Variants in CTDSPL2 observed in about 807,000 individuals in gnomAD.
CTDSPL2 encodes the protein CTD small phosphatase like 2, also known as CTD small phosphatase-like protein 2.
In CTDSPL2, 5 loss-of-function variants were observed where a neutral mutation model predicts 60.0. The observed-to-expected ratio is 0.08, with a 90% CI of 0.04 to 0.18. The LOEUF is 0.18. CTDSPL2 is among the 10% of genes least tolerant of loss of function. The pLI is 1.00. For synonymous variants in CTDSPL2, 186 were observed against 189.3 expected (o/e 0.98, Z 0.14); for missense variants, 370 against 548.8 (o/e 0.67, Z 3.26).
In CTDSPL2 at chr15:44,445,887, T is replaced by G. The variant is rs543922075; in HGVS notation, c.-24-13104T>G. Among the ~76,000 whole-genome samples, 97 of 151,604 alleles carry G rather than the reference T, an allele frequency of 6.4e-4. 1 individual carries two copies. The highest frequency in any genetic ancestry group is 2.2e-3 in the African/African-American group (91 of 41,354). On this transcript the variant is annotated intron_variant, in intron 1 of 12. Coordinates refer to ENST00000260327, the MANE Select transcript of CTDSPL2 (RefSeq NM_016396.3). ...TGCCTGACTTCATGATCCACCTGCC[T>G]CGGCCTGTCAAACTGCTGGGATTAC...
intron 1 of CTDSPL2, among the ~76,000 whole-genome samples, chr15:44,436,742 C>T (rs1017291120): frequency 2.0e-5 from 3 of 152,140 alleles, no homozygotes; most frequent in African/African-American, 7.2e-5. Flanking sequence ...TAAAGTTTTA[C>T]AGCAAATCTT....
intron 1 of CTDSPL2, among the ~76,000 whole-genome samples, chr15:44,433,330 GAAAAAAAAAAAA>G: frequency 1.6e-5 from 1 of 63,908 alleles, no homozygotes; most frequent in Non-Finnish European, 3.4e-5. Context: ...CTGTCTCAAA[GAAAAAAAAAAAA>G]AAAAAAAGGA....
intron 2 of CTDSPL2, among the ~76,000 whole-genome samples, chr15:44,475,739 TATTAA>T (rs1368301959): frequency 5.3e-5 from 8 of 152,162 alleles, no homozygotes; most frequent in Admixed American, 3.3e-4. Context: ...ATATTTAAAG[TATTAA>T]ATTCCTTTTT....
intron 1 of CTDSPL2, among the ~76,000 whole-genome samples, chr15:44,444,612 C>T (rs1487651216): frequency 6.6e-6 from 1 of 151,946 alleles, no homozygotes; most frequent in Non-Finnish European, 1.5e-5. Flanking sequence ...TCCCAAAGTA[C>T]TGAGATTACT....
At chr15:44,503,447 A>G (rs975387659) in intron 8 of CTDSPL2, 3 of 152,126 alleles carry the variant, frequency 2.0e-5, no homozygotes, top group African/African-American at 7.2e-5. Context: ...AGATCCACCA[A>G]TTCAAGACTC....
intron 1 of CTDSPL2, among the ~76,000 whole-genome samples, chr15:44,433,126 G>A (rs1466069753): frequency 6.6e-6 from 1 of 150,996 alleles, no homozygotes; most frequent in East Asian, 2.0e-4. Context: ...ACCAGCCTGG[G>A]CAACATGGCG....
chr15:44,433,971 G>A (rs552239860), intron 1 of CTDSPL2, among the ~76,000 whole-genome samples: 3 of 150,766 alleles, frequency 2.0e-5, no homozygotes, highest in East Asian at 2.0e-4. Flanking sequence ...AAAAAAATCA[G>A]TGTATATTTT....
intron 4 of CTDSPL2, among the ~76,000 whole-genome samples, chr15:44,489,188 C>G (rs1267527984): frequency 1.6e-5 from 2 of 122,962 alleles, no homozygotes; most frequent in South Asian, 5.9e-4. Flanking sequence ...GTCTCTGTGT[C>G]TCTGTTTTAT....
intron 2 of CTDSPL2, among the ~76,000 whole-genome samples, chr15:44,468,880 C>T (rs1329178780): frequency 6.6e-6 from 1 of 152,128 alleles, no homozygotes; most frequent in African/African-American, 2.4e-5. Context: ...TCATCCTGCT[C>T]CATCACAACT....
intron 10 of CTDSPL2, among the ~76,000 whole-genome samples, chr15:44,515,444 A>G (rs1215859401): frequency 1.3e-5 from 2 of 151,984 alleles, no homozygotes; most frequent in African/African-American, 4.8e-5. Flanking sequence ...ATATTATGAT[A>G]ATTAGTTCCA....
chr15:44,482,981 C>T (rs2081054207), intron 2 of CTDSPL2, among the ~76,000 whole-genome samples: 1 of 151,832 alleles, frequency 6.6e-6, no homozygotes, highest in African/African-American at 2.4e-5. Context: ...ACTCATGTGG[C>T]TAGGTGCTGT....
At chr15:44,475,634 G>C (rs1253881826) in intron 2 of CTDSPL2, among the ~76,000 whole-genome samples, 1 of 34,528 alleles carries the variant, frequency 2.9e-5, no homozygotes. Flanking sequence ...ACAAGACTTC[G>C]TCTCAAAAAA....
intron 2 of CTDSPL2, among the ~76,000 whole-genome samples, chr15:44,461,941 C>T (rs1342179595): frequency 6.6e-6 from 1 of 151,952 alleles, no homozygotes; most frequent in Non-Finnish European, 1.5e-5. Flanking sequence ...CAAGGATCAG[C>T]GTACTTCTTT....
rs561642325 is a variant in CTDSPL2, at chr15:44,509,521, T to A, written c.970-5077T>A. Reference sequence around the variant, plus strand: ...CACGCCCAGCCAATGACTACTTTTTTAAAAATCCAGCTATGTTAACTATTA... The same window carrying A: ...CACGCCCAGCCAATGACTACTTTTTAAAAAATCCAGCTATGTTAACTATTA... On this transcript the variant is annotated intron_variant, in intron 8 of 12. Transcript: ENST00000260327. Among the ~76,000 whole-genome samples, 7 of 152,322 alleles carry A rather than the reference T, an allele frequency of 4.6e-5. No homozygotes were observed. In the East Asian group the frequency reaches 5.8e-4, roughly 13 times the overall value.
chr15:44,447,482 AC>A (rs1217909925), intron 1 of CTDSPL2: 1 of 152,374 alleles, frequency 6.6e-6, no homozygotes, highest in Non-Finnish European at 1.5e-5. Flanking sequence ...TCAAAAAGCA[AC>A]AGAATTTTTA....
At chr15:44,464,273 G>A (rs915501303) in intron 2 of CTDSPL2, among the ~76,000 whole-genome samples, 3 of 152,130 alleles carry the variant, frequency 2.0e-5, no homozygotes, top group Non-Finnish European at 4.4e-5. Context: ...ATATGAGATA[G>A]GTGTTACTTT....
intron 8 of CTDSPL2, among the ~76,000 whole-genome samples, chr15:44,508,788 G>A (rs890442541): frequency 2.0e-5 from 3 of 152,090 alleles, no homozygotes; most frequent in Non-Finnish European, 4.4e-5. Context: ...GCATGGTGGC[G>A]GAGCCCTGTC....
chr15:44,484,755 C>T (rs2081089621), intron 3 of CTDSPL2, among the ~76,000 whole-genome samples: 2 of 152,104 alleles, frequency 1.3e-5, no homozygotes, highest in Admixed American at 1.3e-4. Context: ...CAAAACAAAA[C>T]TACTTTGAGT....
intron 1 of CTDSPL2, among the ~76,000 whole-genome samples, chr15:44,442,023 C>G (rs1470522504): frequency 6.6e-6 from 1 of 152,170 alleles, no homozygotes; most frequent in Non-Finnish European, 1.5e-5. Context: ...GCTTTTTCTT[C>G]TTCCCTAAGT....
Sources: allele counts gnomAD v4.1 joint callset (sites outside exome capture counted in the v4.1 genomes callset), GRCh38; gene constraint gnomAD v4.1.1; transcripts MANE v1.5; gene names NCBI Gene and HGNC (gene_info 2026-07-23, HGNC 2026-07-21).